The following TEF variants were observed in gnomAD, a reference collection of about 807,000 sequenced individuals.
TEF encodes thyrotroph embryonic factor.
In TEF, 3 loss-of-function variants were observed where a neutral mutation model predicts 20.8. The observed-to-expected ratio is 0.14, with a 90% CI of 0.07 to 0.37. The LOEUF is 0.37. Ranked by LOEUF, TEF falls within the 10% of genes least tolerant of loss-of-function variation. The probability of loss-of-function intolerance (pLI) is 1.00; values close to 1 mark genes in which losing one functional copy is unlikely to be tolerated. For synonymous variants in TEF, 180 were observed against 171.1 expected, an observed-to-expected ratio of 1.05 and a Z score of -0.41; for missense variants, 296 against 397.9, an observed-to-expected ratio of 0.74 and a Z score of 2.18.
At chr22:41,382,753 T>C (rs1386987651) in intron 1 of TEF, among the ~76,000 whole-genome samples, 1 of 151,794 alleles carries the variant, frequency 6.6e-6, no homozygotes, top group African/African-American at 2.4e-5. Flanking sequence ...AACGGGAGCC[T>C]TTCTGTTGCG....
chr22:41,399,004 C>G lies in TEF; in HGVS notation c.*3044C>G, dbSNP rs2037262478. ...AGATGACTTCCAGGTGGATATTGCT[C>G]TCTTACGGTGTTGGGGATGCCAGAA... is the stretch of plus-strand genomic sequence containing the variant. On this transcript the variant is annotated 3_prime_UTR_variant, in exon 4 of 4. Coordinates refer to ENST00000266304, the MANE Select transcript of TEF (RefSeq NM_003216.4). 1 of 152,688 alleles carries G rather than the reference C, an allele frequency of 6.5e-6. No homozygotes were observed. The highest frequency in any genetic ancestry group is 6.5e-5 in the Admixed American group (1 of 15,282). 9.5% of individuals were successfully genotyped at this position (152,688 alleles called of 1,614,324 possible).
At position 41,397,349 on chromosome 22, in the gene TEF, C is replaced by T. The variant is rs1463924787; in HGVS notation, c.*1389C>T. The T allele has an allele frequency of 2.7e-6, 1 of 370,258 alleles. No individual in the cohort carries two copies. Among genetic ancestry groups the T allele is most frequent in the Non-Finnish European group, 4.8e-6 (1 of 208,300 alleles). The allele number at this position is 370,258 out of a possible 1,614,324, so 22.9% of individuals were successfully genotyped here. On this transcript the variant is annotated 3_prime_UTR_variant, in exon 4 of 4. Transcript: ENST00000266304. ...GTGCTCAGAAGATTCACTGAGGAAA[C>T]TCATGGAAGCCTCTGCTCATTTGGG...
intron 2 of TEF, among the ~76,000 whole-genome samples, chr22:41,389,308 G>A (rs970797454): frequency 6.6e-6 from 1 of 152,150 alleles, no homozygotes; most frequent in Non-Finnish European, 1.5e-5. Flanking sequence ...GGCTGAGGCA[G>A]GAGAATGGCG....
At position 41,395,944 on chromosome 22, in the gene TEF, A is replaced by C. The variant is rs149015380; in HGVS notation, c.896A>C (p.Lys299Thr). The C allele has an allele frequency of 6.3e-5, 102 of 1,612,680 alleles. No individual in the cohort carries two copies. The highest frequency in any genetic ancestry group is 7.3e-5 in the Non-Finnish European group (86 of 1,178,898). The change falls in exon 4 of 4, where the codon AAA becomes ACA. Residue 299 changes from lysine (K) to threonine (T), a missense_variant. Physicochemically the swap from Lys to Thr is moderately conservative, Grantham distance 78 (BLOSUM62 -1). This residue lies in a region of TEF where 194 missense variants were observed against 317.8 expected (regional missense o/e 0.61). Coordinates refer to ENST00000266304, the MANE Select transcript of TEF (RefSeq NM_003216.4). ...CKTIVSKYET[K>T]YGPL ...ACCATCGTGTCCAAGTATGAGACCA[A>C]ATACGGGCCCTTGTAACCCGTGCCC...
At chr22:41,379,463 C>T (rs2036987037), upstream of TEF, among the ~76,000 whole-genome samples, 1 of 151,962 alleles carries the variant, frequency 6.6e-6, no homozygotes, top group African/African-American at 2.4e-5. Flanking sequence ...GCCGAGATCC[C>T]GCCATTGCAC....
chr22:41,367,576 T>C (rs1415145412), exon 1 of TEF: 2 of 1,551,402 alleles, frequency 1.3e-6, no homozygotes, highest in Non-Finnish European at 1.7e-6. Context: ...GAGCACTCTC[T>C]GCCTTGGCCA....
intron 1 of TEF, among the ~76,000 whole-genome samples, chr22:41,368,503 C>T (rs1479062454): frequency 7.9e-5 from 12 of 152,140 alleles, no homozygotes; most frequent in Admixed American, 7.9e-4. Flanking sequence ...CTTCCTTCCA[C>T]AGGACGCTCT....
chr22:41,373,121 T>C (rs972528707), intron 1 of TEF, among the ~76,000 whole-genome samples: 1 of 152,120 alleles, frequency 6.6e-6, no homozygotes, highest in South Asian at 2.1e-4. Context: ...GGGGAGAAAT[T>C]AGGTATCCCC....
intron 1 of TEF, among the ~76,000 whole-genome samples, chr22:41,386,622 A>G (rs1161454264): frequency 6.6e-6 from 1 of 151,912 alleles, no homozygotes; most frequent in Non-Finnish European, 1.5e-5. Flanking sequence ...GGCTCCTGTA[A>G]TCCCAGTTTA....
upstream of TEF, among the ~76,000 whole-genome samples, chr22:41,378,804 C>T (rs973920557): frequency 4.1e-4 from 62 of 152,214 alleles, no homozygotes; most frequent in African/African-American, 1.4e-3. Context: ...CTTGGAATGT[C>T]CTTTGTCTAG....
intron 1 of TEF, among the ~76,000 whole-genome samples, chr22:41,373,337 A>T (rs536617569): frequency 6.6e-6 from 1 of 152,362 alleles, no homozygotes; most frequent in East Asian, 1.9e-4. Flanking sequence ...CCCGCCATGC[A>T]GTAGAAAATC....
chr22:41,387,079 T>G, intron 1 of TEF, among the ~76,000 whole-genome samples: 1 of 151,990 alleles, frequency 6.6e-6, no homozygotes, highest in South Asian at 2.1e-4. Flanking sequence ...AAATAATGAA[T>G]TAACCCTATG....
rs1480501660 is a variant in TEF at position 41,396,173 on chromosome 22, C to T, written c.*213C>T. 2.7e-5 allele frequency: 15 copies of T among 556,482 alleles called. No individual in the cohort carries two copies. Among genetic ancestry groups the T allele is most frequent in the Middle Eastern group, 4.8e-4 (1 of 2,092 alleles). 34.5% of individuals were successfully genotyped at this position (556,482 alleles called of 1,614,324 possible). A position where few individuals can be genotyped will look rare whatever the true frequency, so the allele number is the denominator to read the frequency against. ...GGCCAGTCTCCTCACTGGTGGGGAA[C>T]GCAAGAGAATCTGCGTAGATGGGTG... On this transcript the variant is annotated 3_prime_UTR_variant, in exon 4 of 4. Transcript: ENST00000266304.
chr22:41,388,627 A>G (rs1601822456), intron 2 of TEF, among the ~76,000 whole-genome samples: 1 of 151,466 alleles, frequency 6.6e-6, no homozygotes, highest in Middle Eastern at 3.5e-3. Context: ...CAGGACAAAC[A>G]TCATCTTCAG....
rs1256439500 is a variant in TEF at position 41,395,915 on chromosome 22, C to T, written c.867C>T (p.Cys289=). The T allele has an allele frequency of 1.2e-6, 2 of 1,614,136 alleles. No individual in the cohort carries two copies. The highest frequency in any genetic ancestry group is 1.1e-5 in the South Asian group (1 of 91,090). ...AGCTACGCAAGGAGGTGGGCAAGTG[C>T]AAGACCATCGTGTCCAAGTATGAGA... ...VAELRKEVGK[C]KTIVSKYETK... Residue 289 remains cysteine, a synonymous_variant, in exon 4 of 4, where the codon TGC becomes TGT. Coordinates refer to ENST00000266304, the MANE Select transcript of TEF (RefSeq NM_003216.4).
intron 1 of TEF, among the ~76,000 whole-genome samples, chr22:41,373,601 C>T (rs1239180287): frequency 6.6e-6 from 1 of 151,808 alleles, no homozygotes; most frequent in East Asian, 1.9e-4. Flanking sequence ...TCCTGAGTAG[C>T]TGGGATTATG....
intron 1 of TEF, among the ~76,000 whole-genome samples, chr22:41,376,626 C>A (rs2036945264): frequency 6.6e-6 from 1 of 152,244 alleles, no homozygotes; most frequent in African/African-American, 2.4e-5. Flanking sequence ...GGACATTTCA[C>A]ATCCAATCTT....
At chr22:41,394,037 G>A in intron 2 of TEF, 59 bp from the exon 3 acceptor site, 2 of 1,505,122 alleles carry the variant, frequency 1.3e-6, no homozygotes, top group Non-Finnish European at 9.1e-7. Flanking sequence ...TGGGTGTGTG[G>A]CGTGGGTCTT....
intron 2 of TEF, among the ~76,000 whole-genome samples, chr22:41,391,937 A>G (rs1220920040): frequency 6.6e-6 from 1 of 151,924 alleles, no homozygotes; most frequent in African/African-American, 2.4e-5. Flanking sequence ...ACATTTTTAT[A>G]TATCGTTTGT....
Sources: gnomAD v4.1 joint callset for allele counts (sites outside exome capture counted in the v4.1 genomes callset) on GRCh38, gnomAD v4.1.1 for gene constraint, gnomAD v4.1.1 regional missense constraint, MANE v1.5 for transcripts, NCBI Gene and HGNC (gene_info 2026-07-23, HGNC 2026-07-21) for gene names.